NKPD1: variants seen among roughly 807,000 people sequenced by gnomAD.
NKPD1 encodes NTPase KAP family P-loop domain containing 1, also known as NTPase KAP family P-loop domain-containing protein 1.
NKPD1 carries 37 observed loss-of-function variants against 42.2 expected under a neutral mutation model. That is an observed-to-expected ratio of 0.88 (90% confidence interval 0.67 to 1.15). NKPD1 has a LOEUF of 1.15. NKPD1 is among the 50% of genes most tolerant of loss of function. The probability of loss-of-function intolerance (pLI) is 0.00; values close to 1 mark genes in which losing one functional copy is unlikely to be tolerated. For missense variants in NKPD1, 1,113 were observed against 1,174.6 expected (o/e 0.95, Z 0.77); for synonymous variants, 552 against 536.5 (o/e 1.03, Z -0.40).
chr19:45,156,760 G>A (rs926091266), intron 3 of NKPD1, among the ~76,000 whole-genome samples: 6 of 152,198 alleles, frequency 3.9e-5, no homozygotes, highest in African/African-American at 1.4e-4. Context: ...AGTCTTGGGG[G>A]GACACATGGG....
intron 3 of NKPD1, among the ~76,000 whole-genome samples, chr19:45,156,853 C>T (rs1968912414): frequency 6.6e-6 from 1 of 152,184 alleles, no homozygotes; most frequent in South Asian, 2.1e-4. Context: ...CCACACCTGG[C>T]GGCAGAGCCA....
chr19:45,152,110 G>C lies in NKPD1; in HGVS notation c.2327C>G (p.Thr776Ser), dbSNP rs763502084. Reference protein sequence around the residue: ...PSPPKSPTRDTPHAAHRANSA... With the variant: ...PSPPKSPTRDSPHAAHRANSA... ...GTTGGCCCGGTGGGCAGCGTGGGGG[G>C]TATCGCGGGTAGGGGACTTGGGCGG... is the stretch of plus-strand genomic sequence containing the variant. The change falls in exon 5 of 5, where the codon ACC becomes AGC. Residue 776 changes from threonine (T) to serine (S), a missense_variant. By Grantham distance (58) the Thr-to-Ser change is moderately conservative. Transcript: ENST00000686631. 1.9e-6 allele frequency: 3 copies of C among 1,604,910 alleles called. No homozygotes were observed. Among genetic ancestry groups the C allele is most frequent in the East Asian group, 2.2e-5 (1 of 44,688 alleles).
intron 4 of NKPD1, among the ~76,000 whole-genome samples, chr19:45,154,540 C>A (rs1968865223): frequency 6.6e-6 from 1 of 152,216 alleles, no homozygotes; most frequent in Admixed American, 6.5e-5. Flanking sequence ...TTTATATCCT[C>A]TTCTCCTCCC....
Position 45,152,031 on chromosome 19 carries a change from G to A in NKPD1, c.2406C>T (p.Gly802=). ...TGTGGGCCAAGTCCCCAGTGTGGTG[G>A]CCTTCGCCGGCTTGCCCTGAGGCAC... ...SGRASGQAGE[G]HHTGDLAHRG... The change falls in exon 5 of 5, where the codon GGC becomes GGT. Residue 802 remains glycine, a synonymous_variant. Transcript: ENST00000686631. The A allele has an allele frequency of 6.2e-7, 1 of 1,609,894 alleles. No individual in the cohort carries two copies. Among genetic ancestry groups the A allele is most frequent in the Non-Finnish European group, 8.5e-7 (1 of 1,178,632 alleles).
upstream of NKPD1, among the ~76,000 whole-genome samples, chr19:45,161,087 T>C (rs1003565224): frequency 4.6e-5 from 7 of 152,216 alleles, no homozygotes; most frequent in Non-Finnish European, 1.0e-4. Flanking sequence ...CCTGTCCCAG[T>C]GCTCTCTGCT....
At position 45,152,123 on chromosome 19, in the gene NKPD1, G is replaced by C. The variant is rs774786016; in HGVS notation, c.2314C>G (p.Pro772Ala). The C allele has an allele frequency of 5.0e-6, 8 of 1,603,784 alleles. No homozygotes were observed. Among genetic ancestry groups the C allele is most frequent in the Non-Finnish European group, 6.8e-6 (8 of 1,176,194 alleles). ...ALKPPSPPKS[P>A]TRDTPHAAHR... ...GCAGCGTGGGGGGTATCGCGGGTAGGGGACTTGGGCGGGCTGGGCGGCTTG... is the reference window on the plus strand; with the variant it reads ...GCAGCGTGGGGGGTATCGCGGGTAGCGGACTTGGGCGGGCTGGGCGGCTTG... Residue 772 changes from proline (P) to alanine (A), a missense_variant, in exon 5 of 5, where the codon CCT becomes GCT. Physicochemically the swap from Pro to Ala is conservative, Grantham distance 27. Around this residue, in one of 3 missense-constraint regions of NKPD1, gnomAD observed 867 missense variants for 870.1 expected, o/e 1.00. Transcript: ENST00000686631.
Position 45,152,594 on chromosome 19 carries a change from C to T in NKPD1, c.1843G>A (p.Val615Met), listed in dbSNP as rs766054388. The T allele has an allele frequency of 6.9e-6, 11 of 1,585,178 alleles. No individual in the cohort carries two copies. The Admixed American group carries it at 1.5e-4, about 22-fold the overall frequency. ...CGCATGGACACCACGTTGTCGGGCA[C>T]GTACTCGTAGAGGCAGTCGCGCTCG... ...HDERDCLYEY[V>M]PDNVVSMRRI... is the part of the protein sequence containing the mutation. The change falls in exon 5 of 5, where the codon GTG (valine) becomes ATG (methionine). Residue 615 changes from valine to methionine, a missense_variant. By Grantham distance (21) the Val-to-Met change is conservative. Coordinates refer to ENST00000686631, the MANE Select transcript of NKPD1 (RefSeq NM_198478.4).
rs1052487723 is a variant in NKPD1 at position 45,149,851 on chromosome 19, G to A, written c.*2087C>T. On this transcript the variant is annotated 3_prime_UTR_variant, in exon 5 of 5. Coordinates refer to ENST00000686631, the MANE Select transcript of NKPD1 (RefSeq NM_198478.4). ...ACCCAGGCCCCTTTGAAGCTCTTAG[G>A]GCTCTGTTGCTCCCCAGGGCCTCAA... The A allele has an allele frequency of 1.3e-5, 2 of 152,150 alleles. No individual in the cohort carries two copies. The highest frequency in any genetic ancestry group is 2.9e-5 in the Non-Finnish European group (2 of 68,034). The allele number at this position is 152,150 out of a possible 1,614,324, so 9.4% of individuals were successfully genotyped here.
chr19:45,161,849 T>G (rs1969011893), upstream of NKPD1, among the ~76,000 whole-genome samples: 1 of 152,020 alleles, frequency 6.6e-6, no homozygotes, highest in African/African-American at 2.4e-5. Context: ...GACGGGGTGC[T>G]CCGATGGGGA....
chr19:45,153,787 G>A lies in NKPD1; in HGVS notation c.662-12C>T, dbSNP rs1201502486. ...CTGCTGCATCAGCGCTGCGGGAAGG[G>A]AGCCCGGGAGCCGCGTGAGCCGCAG... On this transcript the variant is annotated splice_polypyrimidine_tract_variant and intron_variant, in intron 4 of 4. Transcript: ENST00000686631. 6 of 1,435,756 alleles carry A rather than the reference G, an allele frequency of 4.2e-6. No individual in the cohort carries two copies. The highest frequency in any genetic ancestry group is 5.1e-5 in the Admixed American group (2 of 39,266). The allele number at this position is 1,435,756 out of a possible 1,614,324, so 88.9% of individuals were successfully genotyped here.
In NKPD1 at chr19:45,151,514, TGCAGCCTCACCCACCACCCCC is replaced by T. The variant is rs1451801211; in HGVS notation, c.*403_*423del. On this transcript the variant is annotated 3_prime_UTR_variant, in exon 5 of 5. Transcript: ENST00000686631. ...ACCTGGCCCATCCACCTGTCATCTC[TGCAGCCTCACCCACCACCCCC>T]GCAGCCTCTCCTGCCACAGAGATGC... The T allele has an allele frequency of 6.1e-6, 1 of 164,456 alleles. No homozygotes were observed. Among genetic ancestry groups the T allele is most frequent in the African/African-American group, 2.4e-5 (1 of 41,970 alleles). The allele number at this position is 164,456 out of a possible 1,614,324, so 10.2% of individuals were successfully genotyped here.
chr19:45,152,684 C>CGG lies in NKPD1; in HGVS notation c.1752_1753insCC (p.Gly585ProfsTer84). ...GCCTCGTCGTCGATGCGGCCCTGCC[C>CGG]GCGCTCCGTCCCCGCCTGCGCCTGC... On this transcript the variant is annotated frameshift_variant, in exon 5 of 5. Transcript: ENST00000686631. LOFTEE classifies it low-confidence loss of function (END_TRUNC). 1 of 1,542,362 alleles carries CGG rather than the reference C, an allele frequency of 6.5e-7. No homozygotes were observed. Among genetic ancestry groups the CGG allele is most frequent in the Non-Finnish European group, 8.7e-7 (1 of 1,149,468 alleles).
chr19:45,153,813 A>G, intron 4 of NKPD1, 38 bp from the exon 5 acceptor site: 1 of 1,410,248 alleles, frequency 7.1e-7, no homozygotes, highest in Non-Finnish European at 9.2e-7. Flanking sequence ...TGAGCCGCAG[A>G]CCCGCCGGGG....
chr19:45,160,209 C>T lies in NKPD1; in HGVS notation c.-59G>A. Reference sequence around the variant, plus strand: ...CCTGAGGCAGGAGGGAGCACACAGGCTTGGCGTAGCCTCTGGGGCACGAAC... The same window carrying T: ...CCTGAGGCAGGAGGGAGCACACAGGTTTGGCGTAGCCTCTGGGGCACGAAC... On this transcript the variant is annotated 5_prime_UTR_variant, in exon 2 of 5. Transcript: ENST00000686631. 11 of 1,082,164 alleles carry T rather than the reference C, an allele frequency of 1.0e-5. No homozygotes were observed. The highest frequency in any genetic ancestry group is 1.4e-5 in the Non-Finnish European group (11 of 790,536). 67.0% of individuals were successfully genotyped at this position (1,082,164 alleles called of 1,614,324 possible).
chr19:45,153,772 A>G lies in NKPD1; in HGVS notation c.665T>C (p.Leu222Pro), dbSNP rs1968848940. 6.8e-7 allele frequency: 1 copy of G among 1,466,656 alleles called. No homozygotes were observed. The highest frequency in any genetic ancestry group is 1.4e-5 in the African/African-American group (1 of 69,568). 90.9% of individuals were successfully genotyped at this position (1,466,656 alleles called of 1,614,324 possible). Residue 222 changes from leucine (L) to proline (P), a missense_variant, in exon 5 of 5, where the codon CTG (leucine) becomes CCG (proline). By Grantham distance (98) the Leu-to-Pro change is moderately conservative (BLOSUM62 -3). Transcript: ENST00000686631. The stretch of plus-strand genomic sequence containing the variant: ...GCGCTGCGCGGCCTCCTGCTGCATC[A>G]GCGCTGCGGGAAGGGAGCCCGGGAG... ...LHMMLDKITA[L>P]MQQEAAQRES...
Position 45,160,039 on chromosome 19 carries a change from GC to G in NKPD1, c.91+20del. The G allele has an allele frequency of 7.9e-7, 1 of 1,273,856 alleles. No homozygotes were observed. Among genetic ancestry groups the G allele is most frequent in the Non-Finnish European group, 1.0e-6 (1 of 963,572 alleles). The allele number at this position is 1,273,856 out of a possible 1,614,324, so 78.9% of individuals were successfully genotyped here. On this transcript the variant is annotated intron_variant, in intron 2 of 4. Transcript: ENST00000686631. ...CACAGGCCTCTGTCGGCCATCACCC[GC>G]CCCCAAACTGAACCCGTACCTTTTC...
At position 45,153,555 on chromosome 19, in the gene NKPD1, G is replaced by A. The variant is rs1313914367; in HGVS notation, c.882C>T (p.Ala294=). 6.4e-7 allele frequency: 1 copy of A among 1,551,642 alleles called. No homozygotes were observed. Among genetic ancestry groups the A allele is most frequent in the Middle Eastern group, 1.7e-4 (1 of 5,856 alleles). ...WQYAGTDKLW[A]GLVTTLCEGI... is the part of the protein sequence containing the mutation. The stretch of plus-strand genomic sequence containing the variant: ...CCTCGCACAACGTGGTCACCAGGCC[G>A]GCCCACAGCTTGTCGGTGCCCGCGT... Residue 294 remains alanine, a synonymous_variant, in exon 5 of 5, where the codon GCC becomes GCT. Transcript: ENST00000686631.
At chr19:45,162,663 C>T (rs150834448), upstream of NKPD1, among the ~76,000 whole-genome samples, 468 of 152,252 alleles carry the variant, frequency 3.1e-3, 2 homozygotes, top group African/African-American at 0.011. Flanking sequence ...CGGGCACTCC[C>T]AGCCCTGCTC....
rs1254655372 is a variant in NKPD1, at chr19:45,151,001, T to G, written c.*937A>C. ...CCAGGCACCCCAGGGCCTGAGCGTGTGGCTGAACATTTGACCAGTGAGGAA... is the reference window on the plus strand; with the variant it reads ...CCAGGCACCCCAGGGCCTGAGCGTGGGGCTGAACATTTGACCAGTGAGGAA... On this transcript the variant is annotated 3_prime_UTR_variant, in exon 5 of 5. Transcript: ENST00000686631. The G allele has an allele frequency of 6.6e-6, 1 of 152,484 alleles. No individual in the cohort carries two copies. The highest frequency in any genetic ancestry group is 1.5e-5 in the Non-Finnish European group (1 of 68,236). 9.4% of individuals were successfully genotyped at this position (152,484 alleles called of 1,614,324 possible). A position where few individuals can be genotyped will look rare whatever the true frequency, so the allele number is the denominator to read the frequency against.
Sources: allele counts gnomAD v4.1 joint callset (sites outside exome capture counted in the v4.1 genomes callset), GRCh38; gene constraint gnomAD v4.1.1; regional missense constraint gnomAD v4.1.1; transcripts MANE v1.5; gene names NCBI Gene and HGNC (gene_info 2026-07-23, HGNC 2026-07-21).